Variants in NUDC observed in about 807,000 individuals in gnomAD.
NUDC encodes the protein nuclear migration protein nudC.
In NUDC, 14 loss-of-function variants were observed where a neutral mutation model predicts 45.0. The ratio of observed to expected loss-of-function variants is 0.31; its 90% CI spans 0.21 to 0.49. The LOEUF is 0.49. Among genes scored for constraint, NUDC ranks in the 20% least tolerant of loss-of-function variants. The pLI is 0.99. For missense variants in NUDC, 323 were observed against 426.2 expected (o/e 0.76, Z 2.13); for synonymous variants, 153 against 156.7 (o/e 0.98, Z 0.17).
chr1:26,935,739 A>C (rs981016274), intron 2 of NUDC, among the ~76,000 whole-genome samples: 4 of 151,968 alleles, frequency 2.6e-5, no homozygotes, highest in Non-Finnish European at 5.9e-5. Flanking sequence ...TGGGTATTTG[A>C]TTACGATTGT....
At chr1:26,927,262 A>C (rs2082140737) in intron 2 of NUDC, among the ~76,000 whole-genome samples, 3 of 9,512 alleles carry the variant, frequency 3.2e-4, no homozygotes, top group Non-Finnish European at 5.2e-4. Context: ...AGAGAGATGA[A>C]CCGTGTGTGT....
At chr1:26,920,094 C>T (rs1053269193), upstream of NUDC, among the ~76,000 whole-genome samples, 2 of 152,104 alleles carry the variant, frequency 1.3e-5, no homozygotes, top group Admixed American at 1.3e-4. Flanking sequence ...AAGAAGAAGG[C>T]GTCAACTGTG....
chr1:26,921,555 T>C (rs1293823458), upstream of NUDC, among the ~76,000 whole-genome samples: 1 of 152,190 alleles, frequency 6.6e-6, no homozygotes, highest in Non-Finnish European at 1.5e-5. Context: ...CATGCCAAAC[T>C]CTCGGGCCCA....
At chr1:26,924,854 A>C (rs1202962132) in intron 2 of NUDC, among the ~76,000 whole-genome samples, 1 of 148,700 alleles carries the variant, frequency 6.7e-6, no homozygotes, top group East Asian at 2.0e-4. Context: ...CCTGGCCAGG[A>C]GGTTTTATTT....
At chr1:26,918,284 T>TC (rs2082072104), upstream of NUDC, among the ~76,000 whole-genome samples, 1 of 148,192 alleles carries the variant, frequency 6.7e-6, no homozygotes, top group East Asian at 2.0e-4. Context: ...TGATTCTTTT[T>TC]TTTTTTTTTT....
At chr1:26,933,125 G>C (rs2082197205) in intron 2 of NUDC, among the ~76,000 whole-genome samples, 1 of 151,728 alleles carries the variant, frequency 6.6e-6, no homozygotes, top group Admixed American at 6.6e-5. Flanking sequence ...TATTAGAGTC[G>C]GGGTTTTACC....
intron 4 of NUDC, among the ~76,000 whole-genome samples, chr1:26,942,153 A>T (rs749918618): frequency 6.6e-6 from 1 of 152,048 alleles, no homozygotes; most frequent in African/African-American, 2.4e-5. Context: ...TTAGCCAGGC[A>T]TGGTGGTGGG....
intron 2 of NUDC, chr1:26,929,615 T>A (rs1418127077): frequency 3.7e-6 from 1 of 273,966 alleles, no homozygotes; most frequent in Non-Finnish European, 7.8e-6. Context: ...CTGGAACAAA[T>A]CTTCGTGGGT....
intron 1 of NUDC, among the ~76,000 whole-genome samples, chr1:26,901,287 C>A (rs1352888668): frequency 6.6e-6 from 1 of 151,670 alleles, no homozygotes; most frequent in African/African-American, 2.4e-5. Flanking sequence ...GATGGGGTCT[C>A]ACTGCATTGC....
chr1:26,901,397 CTTTTTTTTTTTT>C (rs34988488), intron 1 of NUDC, among the ~76,000 whole-genome samples: 6 of 73,618 alleles, frequency 8.2e-5, no homozygotes, highest in Non-Finnish European at 1.5e-4. Flanking sequence ...GCCTTTTTGT[CTTTTTTTTTTTT>C]TTTTTTTTTT....
Position 26,942,881 on chromosome 1 carries a change from C to T in NUDC, c.557C>T (p.Pro186Leu). ...QTLSELDLAV[P>L]FCVNFRLKGK... is the part of the protein sequence containing the mutation. ...CTCTGCCCTATGCAGCTGGCGGTCC[C>T]TTTCTGTGTGAACTTCCGGCTGAAA... Residue 186 changes from proline (P) to leucine (L), a missense_variant, in exon 6 of 9, where the codon CCT becomes CTT. Physicochemically the swap from Pro to Leu is moderately conservative, Grantham distance 98. Transcript: ENST00000321265. 1.9e-6 allele frequency: 3 copies of T among 1,613,802 alleles called. No individual in the cohort carries two copies. Among genetic ancestry groups the T allele is most frequent in the Non-Finnish European group, 2.5e-6 (3 of 1,180,026 alleles).
intron 2 of NUDC, among the ~76,000 whole-genome samples, chr1:26,934,381 C>T (rs1341154739): frequency 2.5e-4 from 38 of 152,146 alleles, no homozygotes; most frequent in Admixed American, 2.5e-3. Flanking sequence ...GTTACCTCCA[C>T]CTGGTACTGC....
chr1:26,911,496 A>C, intron 3 of NUDC: 1 of 352,134 alleles, frequency 2.8e-6, no homozygotes, highest in Non-Finnish European at 5.5e-6. Context: ...CAAGTGTTTC[A>C]TACCTTTTAT....
At chr1:26,915,044 CACAT>C (rs1378239823) in intron 3 of NUDC, among the ~76,000 whole-genome samples, 28 of 137,048 alleles carry the variant, frequency 2.0e-4, no homozygotes. Context: ...TATATATATA[CACAT>C]ACATACATAC....
At chr1:26,918,189 G>GA (rs957542219), upstream of NUDC, among the ~76,000 whole-genome samples, 11 of 113,168 alleles carry the variant, frequency 9.7e-5, no homozygotes, top group Non-Finnish European at 1.8e-4. Flanking sequence ...TTTTTTTTTT[G>GA]AGACAGGGTC....
intron 2 of NUDC, among the ~76,000 whole-genome samples, chr1:26,932,255 C>T (rs896916764): frequency 6.6e-6 from 1 of 151,344 alleles, no homozygotes; most frequent in Admixed American, 6.6e-5. Flanking sequence ...TGGCTCACTG[C>T]AACCTCTGCC....
chr1:26,935,004 C>A (rs1014708581), intron 2 of NUDC, among the ~76,000 whole-genome samples: 1 of 137,672 alleles, frequency 7.3e-6, no homozygotes, highest in African/African-American at 2.7e-5. Flanking sequence ...TCTTTTGAGA[C>A]AGAGTCTCGC....
At chr1:26,931,073 GT>G (rs2082179034) in intron 2 of NUDC, among the ~76,000 whole-genome samples, 1 of 151,234 alleles carries the variant, frequency 6.6e-6, no homozygotes, top group African/African-American at 2.5e-5. Context: ...CCTTTGTTTT[GT>G]TTTTTGTTTG....
At chr1:26,911,058 G>C (rs2082023448) in intron 2 of NUDC, 1 of 462,364 alleles carries the variant, frequency 2.2e-6, no homozygotes, top group Admixed American at 2.4e-5. Context: ...GCAGTTGCCA[G>C]GCCAGCCCTG....
Sources: gnomAD v4.1 joint callset for allele counts (sites outside exome capture counted in the v4.1 genomes callset) on GRCh38, gnomAD v4.1.1 for gene constraint, MANE v1.5 for transcripts, NCBI Gene and HGNC (gene_info 2026-07-23, HGNC 2026-07-21) for gene names.